CGGBP1: variants seen among roughly 807,000 people sequenced by gnomAD.
CGGBP1 encodes CGG triplet repeat binding protein 1, also known as CGG triplet repeat-binding protein 1.
Under a neutral mutation model 11.4 loss-of-function variants are expected in CGGBP1, and 4 were observed. That is an observed-to-expected ratio of 0.35 (90% CI 0.17 to 0.80). CGGBP1 has a LOEUF of 0.80. Ranked by LOEUF, CGGBP1 falls within the 30% of genes least tolerant of loss-of-function variation. The pLI is 0.52. For synonymous variants in CGGBP1, 76 were observed against 74.1 expected (o/e 1.03, Z -0.13); for missense variants, 135 against 202.1 (o/e 0.67, Z 2.01).
intron 2 of CGGBP1, chr3:88,135,211 G>C (rs924664533): frequency 2.1e-6 from 3 of 1,453,134 alleles, no homozygotes; most frequent in Non-Finnish European, 2.7e-6. Context: ...AGGTAAATAG[G>C]ATATATTTGT....
chr3:88,114,538 T>A (rs545798493), intron 2 of CGGBP1, among the ~76,000 whole-genome samples: 2 of 152,274 alleles, frequency 1.3e-5, no homozygotes, highest in Non-Finnish European at 2.9e-5. Context: ...CCTTTGACAC[T>A]CTCTAATCCT....
chr3:88,076,838 C>T (rs1339258879), intron 2 of CGGBP1, among the ~76,000 whole-genome samples: 1 of 152,130 alleles, frequency 6.6e-6, no homozygotes, highest in Non-Finnish European at 1.5e-5. Flanking sequence ...ACCTGCTATT[C>T]ATAAGAGGAA....
chr3:88,117,573 T>C (rs930636022), intron 2 of CGGBP1, among the ~76,000 whole-genome samples: 13 of 152,024 alleles, frequency 8.6e-5, no homozygotes, highest in Non-Finnish European at 1.3e-4. Flanking sequence ...AATTTACAAA[T>C]GGGGTCATTA....
intron 2 of CGGBP1, among the ~76,000 whole-genome samples, chr3:88,127,656 G>T (rs903168993): frequency 6.6e-6 from 1 of 152,090 alleles, no homozygotes; most frequent in African/African-American, 2.4e-5. Context: ...AGCTTTTAAG[G>T]GATAGATTTA....
intron 2 of CGGBP1, chr3:88,139,654 T>C (rs762771701): frequency 2.5e-6 from 4 of 1,611,816 alleles, no homozygotes; most frequent in South Asian, 2.2e-5. Context: ...GCTGAATTCA[T>C]TGAAATTCCC....
At chr3:88,059,326 G>A, upstream of CGGBP1, 1 of 1,534,430 alleles carries the variant, frequency 6.5e-7, no homozygotes, top group Non-Finnish European at 8.7e-7. Context: ...CCTCATGGCG[G>A]AGGAAGAGAG....
At chr3:88,077,578 T>C (rs1337090394) in intron 2 of CGGBP1, among the ~76,000 whole-genome samples, 1 of 152,242 alleles carries the variant, frequency 6.6e-6, no homozygotes, top group East Asian at 1.9e-4. Flanking sequence ...TTATGAAATA[T>C]ACCCATGAAA....
chr3:88,126,033 A>G (rs1321293852), intron 2 of CGGBP1: 1 of 1,193,538 alleles, frequency 8.4e-7, no homozygotes, highest in Admixed American at 3.0e-5. Context: ...ATAATTTAAT[A>G]GCTGCCTCAC....
At chr3:88,105,019 A>G (rs1704649088) in intron 2 of CGGBP1, among the ~76,000 whole-genome samples, 1 of 152,208 alleles carries the variant, frequency 6.6e-6, no homozygotes, top group South Asian at 2.1e-4. Flanking sequence ...GCGCGCCTGT[A>G]ATCCCAGCTA....
chr3:88,085,871 AATG>A (rs1414809419), intron 2 of CGGBP1, among the ~76,000 whole-genome samples: 3 of 152,196 alleles, frequency 2.0e-5, no homozygotes, highest in Non-Finnish European at 4.4e-5. Flanking sequence ...TATAAATAAT[AATG>A]ATAATAATAA....
At chr3:88,138,827 T>C in intron 2 of CGGBP1, 11 of 1,232,066 alleles carry the variant, frequency 8.9e-6, no homozygotes, top group Admixed American at 4.2e-5. Context: ...TTTTGCCAAA[T>C]GATTTGGAGA....
At chr3:88,060,463 T>C (rs2049817), upstream of CGGBP1, among the ~76,000 whole-genome samples, 119,210 of 152,056 alleles carry the variant, frequency 0.78, 47,643 homozygotes, top group South Asian at 0.91. Context: ...ACAATCTTTT[T>C]TTGCAAGCTA....
intron 2 of CGGBP1, chr3:88,095,755 T>C (rs1421807221): frequency 1.0e-5 from 4 of 397,496 alleles, no homozygotes; most frequent in Non-Finnish European, 1.9e-5. Flanking sequence ...TAACCCTCCT[T>C]CATCATCTTA....
intron 2 of CGGBP1, among the ~76,000 whole-genome samples, chr3:88,136,816 T>G (rs1706813710): frequency 6.6e-6 from 1 of 152,138 alleles, no homozygotes; most frequent in Admixed American, 6.5e-5. Flanking sequence ...AGATTTCAGG[T>G]AAGGAAGCAG....
At chr3:88,095,719 T>C (rs1704019266) in intron 2 of CGGBP1, 2 of 396,314 alleles carry the variant, frequency 5.0e-6, no homozygotes, top group African/African-American at 2.2e-5. Context: ...TTGCTACTTT[T>C]TGACTTCTCC....
intron 2 of CGGBP1, among the ~76,000 whole-genome samples, chr3:88,065,042 ATAATTGCATTGATAAATT>A (rs1707115596): frequency 6.6e-6 from 1 of 152,258 alleles, no homozygotes; most frequent in East Asian, 1.9e-4. Context: ...AATTGCATCG[ATAATTGCATTGATAAATT>A]TAATTGCATT....
intron 2 of CGGBP1, among the ~76,000 whole-genome samples, chr3:88,094,738 G>A (rs1454318273): frequency 6.6e-6 from 1 of 151,864 alleles, no homozygotes; most frequent in African/African-American, 2.4e-5. Flanking sequence ...ATTTTGAATG[G>A]CTTAATCTTG....
At chr3:88,060,443 C>T (rs1463011411), upstream of CGGBP1, among the ~76,000 whole-genome samples, 1 of 152,146 alleles carries the variant, frequency 6.6e-6, no homozygotes, top group Non-Finnish European at 1.5e-5. Context: ...ACGGTTTGTT[C>T]CCATTCACAA....
At chr3:88,105,392 G>C (rs1416100423) in intron 2 of CGGBP1, among the ~76,000 whole-genome samples, 2 of 152,070 alleles carry the variant, frequency 1.3e-5, no homozygotes, top group Non-Finnish European at 2.9e-5. Context: ...TATGAATTTT[G>C]TTGTGTTGAT....
Sources: gnomAD v4.1 joint callset for allele counts (sites outside exome capture counted in the v4.1 genomes callset) on GRCh38, gnomAD v4.1.1 for gene constraint, MANE v1.5 for transcripts, NCBI Gene and HGNC (gene_info 2026-07-23, HGNC 2026-07-21) for gene names.